The following APC variants were observed in gnomAD, a reference collection of about 807,000 sequenced individuals.
APC encodes the protein adenomatous polyposis coli protein.
In APC, 72 loss-of-function variants were observed where a neutral mutation model predicts 247.0. That is an observed-to-expected ratio of 0.29 (90% CI 0.24 to 0.35). APC has a LOEUF of 0.35. Among genes scored for constraint, APC ranks in the 10% least tolerant of loss-of-function variants. The pLI is 1.00. For missense variants in APC, 3,400 were observed against 3,360.7 expected (o/e 1.01, Z -0.29); for synonymous variants, 1,254 against 1,162.5 (o/e 1.08, Z -1.60).
chr5:112,740,966 C>T (rs1184225995), intron 1 of APC, among the ~76,000 whole-genome samples: 1 of 152,014 alleles, frequency 6.6e-6, no homozygotes, highest in Non-Finnish European at 1.5e-5. Context: ...TTTAAATGTT[C>T]TCTTCAATTT....
At chr5:112,815,372 A>C (rs1395904087) in intron 8 of APC, 123 bp from the exon 9 acceptor site, 2 of 690,692 alleles carry the variant, frequency 2.9e-6, no homozygotes, top group Non-Finnish European at 5.1e-6. Flanking sequence ...TATAATGGTC[A>C]TACTTTTATG....
intron 1 of APC, 56 bp downstream of exon 1, chr5:112,737,981 T>A: frequency 1.0e-6 from 1 of 952,494 alleles, no homozygotes; most frequent in Non-Finnish European, 1.2e-6. Flanking sequence ...GGGAAGGTGG[T>A]TTTCCCTCGC....
intron 1 of APC, among the ~76,000 whole-genome samples, chr5:112,720,790 T>G (rs561647468): frequency 6.6e-6 from 1 of 152,328 alleles, no homozygotes; most frequent in East Asian, 1.9e-4. Flanking sequence ...GAATTTAAAG[T>G]GAAACCAGCT....
At position 112,843,648 on chromosome 5, in the gene APC, G is replaced by T; in HGVS notation, c.8054G>T (p.Ser2685Ile). 6.2e-7 allele frequency: 1 copy of T among 1,613,950 alleles called. No homozygotes were observed. Among genetic ancestry groups the T allele is most frequent in the Non-Finnish European group, 8.5e-7 (1 of 1,179,850 alleles). Residue 2685 changes from serine (S) to isoleucine (I), a missense_variant, in exon 16 of 16, where the codon AGT (serine) becomes ATT (isoleucine). Physicochemically the swap from Ser to Ile is moderately radical, Grantham distance 142. Around this residue, in one of 9 missense-constraint regions of APC, gnomAD observed 1,788 missense variants for 1,649.5 expected, o/e 1.08. Coordinates refer to ENST00000257430, the MANE Select transcript of APC (RefSeq NM_000038.6). This position sits in a 1 kb window ranked among gnomAD's most constrained non-coding sequence, Gnocchi z 4.8. ...PTGNTPPVID[S>I]VSEKANPNIK... Reference sequence around the variant, plus strand: ...GGTAATACTCCCCCGGTGATTGACAGTGTTTCAGAAAAGGCAAATCCAAAC... The same window carrying T: ...GGTAATACTCCCCCGGTGATTGACATTGTTTCAGAAAAGGCAAATCCAAAC...
At chr5:112,817,992 G>A (rs1385613360) in intron 9 of APC, among the ~76,000 whole-genome samples, 1 of 152,186 alleles carries the variant, frequency 6.6e-6, no homozygotes, top group Non-Finnish European at 1.5e-5. Flanking sequence ...CTAAACCTCA[G>A]CACTATTGGC....
In APC at chr5:112,840,203, ACAGAAT is replaced by A. The variant is rs767417584; in HGVS notation, c.4614_4619del (p.Ser1539_Glu1540del). 1.9e-6 allele frequency: 3 copies of A among 1,614,090 alleles called. No homozygotes were observed. The highest frequency in any genetic ancestry group is 2.2e-5 in the South Asian group (2 of 91,092). On this transcript the variant is annotated inframe_deletion, in exon 16 of 16. Coordinates refer to ENST00000257430, the MANE Select transcript of APC (RefSeq NM_000038.6). The surrounding 1 kb of genome is among the most constrained non-coding windows in gnomAD (Gnocchi z 4.1). Reference sequence around the variant, plus strand: ...TCAGGAAAATGACAATGGGAATGAAACAGAATCAGAGCAGCCTAAAGAATCAAATGA... The same window carrying A: ...TCAGGAAAATGACAATGGGAATGAAACAGAGCAGCCTAAAGAATCAAATGA...
At chr5:112,725,475 C>T (rs560503051) in intron 1 of APC, among the ~76,000 whole-genome samples, 5 of 152,136 alleles carry the variant, frequency 3.3e-5, no homozygotes, top group East Asian at 1.9e-4. Context: ...AAGGAGGGGC[C>T]GGGCACAGTG....
intron 8 of APC, among the ~76,000 whole-genome samples, chr5:112,806,552 CTTTATTTATTTA>C (rs66460614): frequency 6.2e-4 from 90 of 145,694 alleles, no homozygotes; most frequent in South Asian, 3.3e-3. Flanking sequence ...TGGTTCTCAA[CTTTATTTATTTA>C]TTTATTTATT....
At position 112,840,734 on chromosome 5, in the gene APC, G is replaced by C. The variant is rs148275069; in HGVS notation, c.5140G>C (p.Asp1714His). 2 of 1,614,020 alleles carry C rather than the reference G, an allele frequency of 1.2e-6. No homozygotes were observed. Among genetic ancestry groups the C allele is most frequent in the Non-Finnish European group, 1.7e-6 (2 of 1,180,012 alleles). ...CTCATCTGTAACCATACCTGAATTG[G>C]ATGACAATAAAGCAGAGGAAGGTGA... ...KTSSVTIPELDDNKAEEGDIL... is the reference protein window; with the variant it reads ...KTSSVTIPELHDNKAEEGDIL... The change falls in exon 16 of 16, where the codon GAT becomes CAT. Residue 1714 changes from aspartate to histidine, a missense_variant. Physicochemically the swap from Asp to His is moderately conservative, Grantham distance 81. Transcript: ENST00000257430. This position sits in a 1 kb window ranked among gnomAD's most constrained non-coding sequence, Gnocchi z 4.1.
intron 7 of APC, among the ~76,000 whole-genome samples, chr5:112,794,832 G>A (rs1760027127): frequency 6.6e-6 from 1 of 152,152 alleles, no homozygotes; most frequent in Non-Finnish European, 1.5e-5. Context: ...CATTAGAATG[G>A]CTCACAACTC....
At chr5:112,718,461 T>C (rs577525491) in intron 1 of APC, among the ~76,000 whole-genome samples, 5 of 152,356 alleles carry the variant, frequency 3.3e-5, no homozygotes, top group East Asian at 1.9e-4. Context: ...TGCAGCCCTT[T>C]AGGGTCTCAG....
chr5:112,776,683 A>G (rs1757685491), intron 5 of APC, among the ~76,000 whole-genome samples: 1 of 152,048 alleles, frequency 6.6e-6, no homozygotes, highest in Non-Finnish European at 1.5e-5. Flanking sequence ...ACTAAAGTAA[A>G]TACAAAAATT....
chr5:112,748,497 T>C (rs1342181989), intron 1 of APC, among the ~76,000 whole-genome samples: 3 of 152,216 alleles, frequency 2.0e-5, no homozygotes, highest in African/African-American at 7.2e-5. Context: ...TCCAGGATTA[T>C]GTTGACTGGA....
At chr5:112,824,252 C>A (rs1763424955) in intron 11 of APC, among the ~76,000 whole-genome samples, 1 of 152,138 alleles carries the variant, frequency 6.6e-6, no homozygotes, top group Non-Finnish European at 1.5e-5. Flanking sequence ...CTTTGCATTA[C>A]CATGAAACAT....
rs1766726507 is a variant in APC, at chr5:112,843,974, A to G, written c.8380A>G (p.Ser2794Gly). The change falls in exon 16 of 16, where the codon AGC becomes GGC. Residue 2794 changes from serine to glycine, a missense_variant. Physicochemically the swap from Ser to Gly is moderately conservative, Grantham distance 56 (BLOSUM62 0). This residue lies in a region of APC where 1,788 missense variants were observed against 1,649.5 expected (regional missense o/e 1.08). Transcript: ENST00000257430. The surrounding 1 kb of genome is among the most constrained non-coding windows in gnomAD (Gnocchi z 4.8). ...TTACAACCCAAGCCCTAGGAAAAGC[A>G]GCGCAGATAGCACTTCAGCTCGGCC... ...FNYNPSPRKS[S>G]ADSTSARPSQ... The G allele has an allele frequency of 6.2e-7, 1 of 1,602,370 alleles. No individual in the cohort carries two copies. The highest frequency in any genetic ancestry group is 8.5e-7 in the Non-Finnish European group (1 of 1,174,660).
chr5:112,844,669 G>A lies in APC; in HGVS notation c.*543G>A, dbSNP rs2150009364. On this transcript the variant is annotated 3_prime_UTR_variant, in exon 16 of 16. Coordinates refer to ENST00000257430, the MANE Select transcript of APC (RefSeq NM_000038.6). Reference sequence around the variant, plus strand: ...CTTTACTGCATGAATGAAACTGATGGTTCAATTTCAGAAGTAATGATTAAC... The same window carrying A: ...CTTTACTGCATGAATGAAACTGATGATTCAATTTCAGAAGTAATGATTAAC... 1 of 232,916 alleles carries A rather than the reference G, an allele frequency of 4.3e-6. No individual in the cohort carries two copies. The highest frequency in any genetic ancestry group is 6.1e-5 in the East Asian group (1 of 16,330). The allele number at this position is 232,916 out of a possible 1,614,324, so 14.4% of individuals were successfully genotyped here.
intron 6 of APC, among the ~76,000 whole-genome samples, chr5:112,788,316 A>G (rs1345231902): frequency 2.0e-5 from 3 of 152,208 alleles, no homozygotes; most frequent in African/African-American, 2.4e-5. Context: ...TAAAAGCTTC[A>G]TGGGCTTTTG....
At chr5:112,798,299 A>G in intron 7 of APC, among the ~76,000 whole-genome samples, 1 of 152,264 alleles carries the variant, frequency 6.6e-6, no homozygotes, top group East Asian at 1.9e-4. Context: ...CCTCCAGAAC[A>G]TGCTAAGTAA....
At chr5:112,787,825 T>C (rs1759134550) in intron 6 of APC, among the ~76,000 whole-genome samples, 1 of 152,202 alleles carries the variant, frequency 6.6e-6, no homozygotes, top group African/African-American at 2.4e-5. Context: ...TTTCCTGTAC[T>C]GAAGTCGTAA....
Sources: gnomAD v4.1 joint callset for allele counts (sites outside exome capture counted in the v4.1 genomes callset) on GRCh38, gnomAD v4.1.1 for gene constraint, gnomAD v4.1.1 regional missense constraint, Gnocchi (gnomAD v3.1) non-coding constraint, MANE v1.5 for transcripts, NCBI Gene and HGNC (gene_info 2026-07-23, HGNC 2026-07-21) for gene names.